ANXA10: variants seen among roughly 807,000 people sequenced by gnomAD.
ANXA10 encodes the protein annexin A10.
ANXA10 carries 49 observed loss-of-function variants against 53.5 expected under a neutral mutation model. That is an observed-to-expected ratio of 0.92 (90% confidence interval 0.73 to 1.16). The LOEUF (loss-of-function observed/expected upper bound fraction) is 1.16. ANXA10 is among the 50% of genes most tolerant of loss of function. ANXA10 has a pLI of 0.00. For synonymous variants in ANXA10, 131 were observed against 128.9 expected, an observed-to-expected ratio of 1.02 and a Z score of -0.11; for missense variants, 393 against 394.4, an observed-to-expected ratio of 1.00 and a Z score of 0.03.
intron 6 of ANXA10, among the ~76,000 whole-genome samples, chr4:168,165,739 T>C (rs1305294287): frequency 1.3e-5 from 2 of 152,140 alleles, no homozygotes; most frequent in African/African-American, 4.8e-5. Context: ...TGCAGTGGCA[T>C]GATCTCAGCT....
intron 1 of ANXA10, among the ~76,000 whole-genome samples, chr4:168,110,192 G>A (rs540020896): frequency 1.4e-3 from 210 of 152,208 alleles, no homozygotes; most frequent in Middle Eastern, 3.4e-3. Context: ...CAGCCTGGGC[G>A]ACAGAGCGAG....
At chr4:168,132,814 T>C (rs924949902) in intron 2 of ANXA10, among the ~76,000 whole-genome samples, 4 of 152,092 alleles carry the variant, frequency 2.6e-5, no homozygotes, top group African/African-American at 9.7e-5. Flanking sequence ...ATTTTAGTAA[T>C]AATTATGTTC....
At chr4:168,112,337 C>A (rs539711791) in intron 1 of ANXA10, among the ~76,000 whole-genome samples, 3 of 151,836 alleles carry the variant, frequency 2.0e-5, no homozygotes, top group Middle Eastern at 3.4e-3. Context: ...AAAAGAAAAG[C>A]CAGATTACAA....
chr4:168,121,016 A>G (rs4405980), intron 1 of ANXA10, among the ~76,000 whole-genome samples: 105,942 of 151,946 alleles, frequency 0.7, 38,302 homozygotes, highest in African/African-American at 0.89. Flanking sequence ...TTCATTCAAT[A>G]TATTTCTGTT....
rs73862548 is a variant in ANXA10, at chr4:168,127,486, C to T, written c.19-598C>T. On this transcript the variant is annotated intron_variant, in intron 1 of 11. Coordinates refer to ENST00000359299, the MANE Select transcript of ANXA10 (RefSeq NM_007193.5). ...CCATTTCTAATTCATATGAATGAAA[C>T]GAATCCCACCAATATGGTACCCTTT... Among the ~76,000 whole-genome samples, 329 of 152,102 alleles carry T rather than the reference C, an allele frequency of 2.2e-3. 2 individuals carry two copies. The highest frequency in any genetic ancestry group is 7.5e-3 in the African/African-American group (311 of 41,500).
At chr4:168,144,641 C>T (rs773102035) in intron 3 of ANXA10, among the ~76,000 whole-genome samples, 1 of 152,202 alleles carries the variant, frequency 6.6e-6, no homozygotes, top group East Asian at 1.9e-4. Context: ...TTCCGGAAAG[C>T]TATTATGTCC....
rs751796979 is a variant in ANXA10 at position 168,133,550 on chromosome 4, C to G, written c.100+5385C>G. ...AAAAATTCTGTAGATCAGGAGGCTA[C>G]AGAAGAGCTTTAAAAATATCTCTTA... is the stretch of plus-strand genomic sequence containing the variant. On this transcript the variant is annotated intron_variant, in intron 2 of 11. Coordinates refer to ENST00000359299, the MANE Select transcript of ANXA10 (RefSeq NM_007193.5). 4.6e-5 allele frequency among the ~76,000 whole-genome samples: 7 copies of G among 152,128 alleles called. No homozygotes were observed. In the South Asian group the frequency reaches 1.2e-3, roughly 27 times the overall value.
Position 168,165,230 on chromosome 4 carries a change from C to T in ANXA10, c.401-17C>T. Reference sequence around the variant, plus strand: ...GTTCTATAATAAATCATACCTTTAACATGTTTTCTTATACAGAATACAGCA... The same window carrying T: ...GTTCTATAATAAATCATACCTTTAATATGTTTTCTTATACAGAATACAGCA... On this transcript the variant is annotated splice_polypyrimidine_tract_variant and intron_variant, in intron 5 of 11. Transcript: ENST00000359299. The T allele has an allele frequency of 6.8e-7, 1 of 1,478,504 alleles. No homozygotes were observed. Among genetic ancestry groups the T allele is most frequent in the South Asian group, 1.2e-5 (1 of 81,308 alleles). 91.6% of individuals were successfully genotyped at this position (1,478,504 alleles called of 1,614,324 possible).
intron 1 of ANXA10, among the ~76,000 whole-genome samples, chr4:168,119,463 A>T (rs574928000): frequency 6.6e-6 from 1 of 152,280 alleles, no homozygotes; most frequent in Non-Finnish European, 1.5e-5. Context: ...CAGAATTTTT[A>T]ATTTTCAATT....
chr4:168,120,165 G>A (rs1292196678), intron 1 of ANXA10, among the ~76,000 whole-genome samples: 2 of 151,944 alleles, frequency 1.3e-5, no homozygotes, highest in Admixed American at 6.6e-5. Context: ...GGTTTTACTG[G>A]AACATTGAAA....
intron 1 of ANXA10, among the ~76,000 whole-genome samples, chr4:168,108,663 C>T (rs1199501726): frequency 4.0e-5 from 6 of 149,650 alleles, no homozygotes; most frequent in Admixed American, 3.9e-4. Context: ...ATCTTATGTC[C>T]CAATAAACTC....
At chr4:168,124,182 T>C (rs986575094) in intron 1 of ANXA10, among the ~76,000 whole-genome samples, 3 of 152,216 alleles carry the variant, frequency 2.0e-5, no homozygotes, top group South Asian at 4.1e-4. Context: ...TGGACAGTCC[T>C]ACTAAAGGCA....
At chr4:168,148,144 G>T (rs1731434530) in intron 3 of ANXA10, among the ~76,000 whole-genome samples, 1 of 151,648 alleles carries the variant, frequency 6.6e-6, no homozygotes, top group Non-Finnish European at 1.5e-5. Flanking sequence ...TGAGTCCTTT[G>T]AGTGAATTGG....
intron 10 of ANXA10, among the ~76,000 whole-genome samples, chr4:168,183,622 T>C (rs563470974): frequency 6.6e-6 from 1 of 152,216 alleles, no homozygotes; most frequent in Non-Finnish European, 1.5e-5. Context: ...CACAAATGGT[T>C]TGTAGGTACG....
chr4:168,182,701 T>C (rs1207637547), intron 10 of ANXA10, among the ~76,000 whole-genome samples: 5 of 148,384 alleles, frequency 3.4e-5, no homozygotes, highest in Admixed American at 2.7e-4. Flanking sequence ...CTTATCCATA[T>C]CTACATGAAA....
At chr4:168,155,121 T>G (rs1178805362) in intron 3 of ANXA10, among the ~76,000 whole-genome samples, 4 of 127,630 alleles carry the variant, frequency 3.1e-5, no homozygotes, top group African/African-American at 7.3e-5. Flanking sequence ...CCTGAAACAT[T>G]ATTTATTGTT....
At chr4:168,126,181 TA>T (rs1456558001) in intron 1 of ANXA10, among the ~76,000 whole-genome samples, 5 of 152,158 alleles carry the variant, frequency 3.3e-5, no homozygotes, top group African/African-American at 7.2e-5. Flanking sequence ...GGAAAACTCC[TA>T]AAACAGTCTC....
chr4:168,110,560 G>A (rs1730792470), intron 1 of ANXA10, among the ~76,000 whole-genome samples: 1 of 150,912 alleles, frequency 6.6e-6, no homozygotes, highest in South Asian at 2.1e-4. Flanking sequence ...CAAACTGGCT[G>A]TTATTTCTAA....
chr4:168,183,009 G>GAAAAAAAAAAAAAAAAAAAAAA (rs747151480), intron 10 of ANXA10, among the ~76,000 whole-genome samples: 2 of 93,374 alleles, frequency 2.1e-5, no homozygotes, highest in South Asian at 4.7e-4. Flanking sequence ...CACCGTCTCG[G>GAAAAAAAAAAAAAAAAAAAAAA]AAAAAAAAAA....
Sources: gnomAD v4.1 joint callset for allele counts (sites outside exome capture counted in the v4.1 genomes callset) on GRCh38, gnomAD v4.1.1 for gene constraint, MANE v1.5 for transcripts, NCBI Gene and HGNC (gene_info 2026-07-23, HGNC 2026-07-21) for gene names.